FAM135A: variants seen among roughly 807,000 people sequenced by gnomAD.
FAM135A encodes family with sequence similarity 135 member A.
Under a neutral mutation model 146.8 loss-of-function variants are expected in FAM135A, and 79 were observed. The ratio of observed to expected loss-of-function variants is 0.54; its 90% CI spans 0.45 to 0.65. The LOEUF (loss-of-function observed/expected upper bound fraction) is 0.65. Ranked by LOEUF, FAM135A falls within the 30% of genes least tolerant of loss-of-function variation. The probability of loss-of-function intolerance (pLI) is 0.00; values close to 1 mark genes in which losing one functional copy is unlikely to be tolerated. For synonymous variants in FAM135A, 562 were observed against 603.6 expected (o/e 0.93, Z 1.01); for missense variants, 1,623 against 1,758.2 (o/e 0.92, Z 1.38).
At position 70,525,209 on chromosome 6, in the gene FAM135A, G is replaced by C. The variant is rs767896591; in HGVS notation, c.2125G>C (p.Glu709Gln). The C allele has an allele frequency of 6.3e-7, 1 of 1,598,436 alleles. No individual in the cohort carries two copies. The highest frequency in any genetic ancestry group is 1.1e-5 in the South Asian group (1 of 87,622). ...ATCTAATGGTAAATCTAAATCTATA[G>C]AAATAACATTTGAAAAGGAAGCTTT... The part of the protein sequence containing the change: ...LESNGKSKSI[E>Q]ITFEKEALQE... Residue 709 changes from glutamate to glutamine, a missense_variant, in exon 15 of 22, where the codon GAA becomes CAA. Physicochemically the swap from Glu to Gln is conservative, Grantham distance 29. Around this residue, in one of 7 missense-constraint regions of FAM135A, gnomAD observed 1,061 missense variants for 1,113.8 expected, o/e 0.95. Coordinates refer to ENST00000418814, the MANE Select transcript of FAM135A (RefSeq NM_001162529.3).
chr6:70,444,393 T>C (rs1775241276), intron 4 of FAM135A, among the ~76,000 whole-genome samples: 3 of 149,016 alleles, frequency 2.0e-5, no homozygotes. Context: ...ACAGAGTAAG[T>C]CTGTGTCTCA....
At chr6:70,538,425 A>T in intron 20 of FAM135A, 24 bp downstream of exon 20, 2 of 1,303,088 alleles carry the variant, frequency 1.5e-6, no homozygotes, top group Middle Eastern at 4.0e-4. Context: ...AACAGTTTGG[A>T]AAATATACAT....
intron 4 of FAM135A, among the ~76,000 whole-genome samples, chr6:70,438,501 T>C (rs1773726840): frequency 6.6e-6 from 1 of 152,218 alleles, no homozygotes; most frequent in Non-Finnish European, 1.5e-5. Context: ...CATATATCTA[T>C]GTTGCATATA....
intron 11 of FAM135A, among the ~76,000 whole-genome samples, chr6:70,498,577 AT>A (rs1372321507): frequency 2.6e-5 from 4 of 152,212 alleles, no homozygotes; most frequent in South Asian, 2.1e-4. Context: ...TACAGTGTCC[AT>A]TTTAGATCTT....
Position 70,502,626 on chromosome 6 carries a change from T to G in FAM135A, c.874-10T>G. ...GGGAAATAGTGAAATTTTTTTTCTT[T>G]TCATTTCAGAAAATAGAGAATCCTG... On this transcript the variant is annotated splice_polypyrimidine_tract_variant and intron_variant, in intron 11 of 21. Transcript: ENST00000418814. 6.2e-7 allele frequency: 1 copy of G among 1,600,478 alleles called. No homozygotes were observed. The highest frequency in any genetic ancestry group is 1.1e-5 in the South Asian group (1 of 88,284).
At chr6:70,417,724 A>G (rs1256877952) in intron 2 of FAM135A, 2 of 596,286 alleles carry the variant, frequency 3.4e-6, no homozygotes, top group Non-Finnish European at 2.1e-6. Context: ...AAGGGCTTAC[A>G]TTGGAAATAC....
chr6:70,471,473 A>T (rs1387620095), intron 5 of FAM135A, among the ~76,000 whole-genome samples: 5 of 152,168 alleles, frequency 3.3e-5, no homozygotes, highest in Non-Finnish European at 7.4e-5. Flanking sequence ...TACAACAAAC[A>T]TTACACATGT....
rs926705655 is a variant in FAM135A, at chr6:70,548,116, G to C, written c.4229-8634G>C. 3.3e-5 allele frequency among the ~76,000 whole-genome samples: 5 copies of C among 152,270 alleles called. No homozygotes were observed. The East Asian group carries it at 7.7e-4, about 24-fold the overall frequency. ...TGAAGTACTGCTGTAATTCCTACCA[G>C]CACTGCTCCTCTGGAGCTTGCTGTG... is the stretch of plus-strand genomic sequence containing the variant. On this transcript the variant is annotated intron_variant, in intron 20 of 21. Transcript: ENST00000418814.
chr6:70,548,413 A>G (rs961082220), intron 20 of FAM135A, among the ~76,000 whole-genome samples: 2 of 152,206 alleles, frequency 1.3e-5, no homozygotes, highest in Non-Finnish European at 2.9e-5. Context: ...TTTAATCAGT[A>G]TCAGAATTTT....
chr6:70,528,467 TGGATG>T lies in FAM135A; in HGVS notation c.3775+16_3775+20del. 1 of 1,572,362 alleles carries T rather than the reference TGGATG, an allele frequency of 6.4e-7. No homozygotes were observed. Among genetic ancestry groups the T allele is most frequent in the Non-Finnish European group, 8.6e-7 (1 of 1,162,240 alleles). On this transcript the variant is annotated intron_variant, in intron 16 of 21. Transcript: ENST00000418814. ...CGGTTTAGATGGTATGTGACATCTA[TGGATG>T]TAACCCAGAGCAACTCAATATATTT...
intron 18 of FAM135A, 76 bp downstream of exon 18, chr6:70,533,930 G>A (rs958234643): frequency 8.3e-6 from 6 of 722,384 alleles, no homozygotes; most frequent in Admixed American, 4.1e-5. Flanking sequence ...ATTTGTGATA[G>A]GGTTGTCCTA....
intron 10 of FAM135A, among the ~76,000 whole-genome samples, chr6:70,484,267 G>C (rs1408564940): frequency 6.6e-6 from 1 of 152,080 alleles, no homozygotes; most frequent in Non-Finnish European, 1.5e-5. Flanking sequence ...TTCAATATAT[G>C]AGATGGGCTT....
chr6:70,464,401 A>G (rs1779973584), intron 5 of FAM135A, among the ~76,000 whole-genome samples: 2 of 152,204 alleles, frequency 1.3e-5, no homozygotes, highest in Admixed American at 6.5e-5. Context: ...ACTGCCTACT[A>G]TGTGTGAGAC....
At chr6:70,517,740 A>G (rs560638676) in intron 12 of FAM135A, among the ~76,000 whole-genome samples, 7 of 152,142 alleles carry the variant, frequency 4.6e-5, no homozygotes, top group African/African-American at 1.4e-4. Context: ...TTTAATGGGT[A>G]ATTTTTTTTC....
At chr6:70,469,590 GAAGA>G (rs1046290645) in intron 5 of FAM135A, among the ~76,000 whole-genome samples, 5 of 152,170 alleles carry the variant, frequency 3.3e-5, no homozygotes, top group Admixed American at 3.3e-4. Context: ...GCATAGAAAA[GAAGA>G]AAGAATAAAG....
At chr6:70,469,156 T>C (rs188072432) in intron 5 of FAM135A, among the ~76,000 whole-genome samples, 19 of 152,322 alleles carry the variant, frequency 1.2e-4, no homozygotes, top group Admixed American at 1.2e-3. Flanking sequence ...GGATGTAAGC[T>C]CTATGAGGTC....
chr6:70,532,975 G>C (rs1796112912), intron 16 of FAM135A, among the ~76,000 whole-genome samples, 185 bp from the exon 17 acceptor site: 1 of 151,868 alleles, frequency 6.6e-6, no homozygotes, highest in Non-Finnish European at 1.5e-5. Context: ...CTGTTGAATT[G>C]ACATTGCCTG....
At chr6:70,450,291 T>C (rs1160581775) in intron 4 of FAM135A, among the ~76,000 whole-genome samples, 1 of 152,184 alleles carries the variant, frequency 6.6e-6, no homozygotes. Flanking sequence ...TATTTGTCTA[T>C]GTTTGCTTTT....
At chr6:70,529,451 A>G (rs1311572453) in intron 16 of FAM135A, among the ~76,000 whole-genome samples, 1 of 149,770 alleles carries the variant, frequency 6.7e-6, no homozygotes, top group African/African-American at 2.4e-5. Context: ...AAAAAAAAAA[A>G]AAACCAGACT....
Sources: gnomAD v4.1 joint callset for allele counts (sites outside exome capture counted in the v4.1 genomes callset) on GRCh38, gnomAD v4.1.1 for gene constraint, gnomAD v4.1.1 regional missense constraint, MANE v1.5 for transcripts, NCBI Gene and HGNC (gene_info 2026-07-23, HGNC 2026-07-21) for gene names.